The following PCDH9 variants were observed in gnomAD, a reference collection of about 807,000 sequenced individuals.
PCDH9 encodes protocadherin-9.
Under a neutral mutation model 70.6 loss-of-function variants are expected in PCDH9, and 24 were observed. That is an observed-to-expected ratio of 0.34 (90% CI 0.25 to 0.48). The LOEUF (loss-of-function observed/expected upper bound fraction) is 0.48. Ranked by LOEUF, PCDH9 falls within the 20% of genes least tolerant of loss-of-function variation. The probability of loss-of-function intolerance (pLI) is 0.99; values close to 1 mark genes in which losing one functional copy is unlikely to be tolerated. For synonymous variants in PCDH9, 562 were observed against 558.5 expected (o/e 1.01, Z -0.09); for missense variants, 1,281 against 1,503.6 (o/e 0.85, Z 2.45).
chr13:66,667,404 T>C (rs2078110540), intron 3 of PCDH9, among the ~76,000 whole-genome samples: 1 of 152,186 alleles, frequency 6.6e-6, no homozygotes, highest in Non-Finnish European at 1.5e-5. Context: ...AGAATGGATG[T>C]TTACACAATC....
intron 4 of PCDH9, among the ~76,000 whole-genome samples, chr13:66,421,327 C>T (rs1380705648): frequency 1.3e-5 from 2 of 152,104 alleles, no homozygotes; most frequent in Non-Finnish European, 2.9e-5. Context: ...ATACAGAGAA[C>T]ATCACAAAGA....
intron 2 of PCDH9, among the ~76,000 whole-genome samples, chr13:66,911,844 C>T (rs1470748765): frequency 6.6e-6 from 1 of 152,126 alleles, no homozygotes; most frequent in Non-Finnish European, 1.5e-5. Context: ...TTCCCAGACC[C>T]TTGAAAAGAA....
intron 3 of PCDH9, among the ~76,000 whole-genome samples, chr13:66,691,451 T>C (rs1186895257): frequency 6.6e-6 from 1 of 152,210 alleles, no homozygotes; most frequent in East Asian, 1.9e-4. Flanking sequence ...ATAAACAACA[T>C]CTAGTCCAAT....
At position 67,008,150 on chromosome 13, in the gene PCDH9, C is replaced by A. The variant is rs545237698; in HGVS notation, c.3037-104545G>T. Among the ~76,000 whole-genome samples the A allele has an allele frequency of 3.5e-3, 539 of 152,058 alleles. 5 individuals carry two copies. Among genetic ancestry groups the A allele is most frequent in the African/African-American group, 0.012 (518 of 41,498 alleles). On this transcript the variant is annotated intron_variant, in intron 2 of 4. Coordinates refer to ENST00000377865, the MANE Select transcript of PCDH9 (RefSeq NM_203487.3). ...TAAGAAAAAACATAATAATATGGAA[C>A]AAAATAATGAAAAGTTCTCAACAAA...
intron 3 of PCDH9, among the ~76,000 whole-genome samples, chr13:66,658,429 A>G (rs935208652): frequency 2.6e-5 from 4 of 152,154 alleles, no homozygotes; most frequent in Admixed American, 1.3e-4. Context: ...GGTAATATTT[A>G]GTCATGATCA....
chr13:67,020,625 G>T (rs1470872403), intron 2 of PCDH9, among the ~76,000 whole-genome samples: 1 of 152,110 alleles, frequency 6.6e-6, no homozygotes, highest in East Asian at 1.9e-4. Flanking sequence ...CATATAGCTG[G>T]CATTGTTACT....
At chr13:66,378,181 T>C (rs1052860541) in intron 4 of PCDH9, among the ~76,000 whole-genome samples, 1 of 152,214 alleles carries the variant, frequency 6.6e-6, no homozygotes, top group Admixed American at 6.5e-5. Flanking sequence ...GCAATCTGTG[T>C]GTTCAAATGA....
intron 3 of PCDH9, among the ~76,000 whole-genome samples, chr13:66,844,301 A>C (rs529063867): frequency 2.0e-5 from 3 of 152,204 alleles, no homozygotes; most frequent in Non-Finnish European, 4.4e-5. Context: ...AAGTCCCTAA[A>C]ATTGGCCAGG....
At chr13:66,455,047 C>A (rs764876229) in intron 4 of PCDH9, among the ~76,000 whole-genome samples, 8 of 152,030 alleles carry the variant, frequency 5.3e-5, no homozygotes, top group Non-Finnish European at 1.0e-4. Flanking sequence ...AGATGTTTGC[C>A]AGTTTTCCTT....
intron 3 of PCDH9, among the ~76,000 whole-genome samples, chr13:66,818,281 C>T (rs1012326053): frequency 6.6e-6 from 1 of 152,086 alleles, no homozygotes. Flanking sequence ...ATAAGAAGGA[C>T]TAAAAATTCC....
chr13:66,660,162 A>G (rs2077989484), intron 3 of PCDH9, among the ~76,000 whole-genome samples: 2 of 152,218 alleles, frequency 1.3e-5, no homozygotes, highest in Admixed American at 1.3e-4. Flanking sequence ...AGGAAAAGGT[A>G]TCTTCCAGCC....
chr13:66,751,365 T>C, intron 3 of PCDH9, among the ~76,000 whole-genome samples: 1 of 152,280 alleles, frequency 6.6e-6, no homozygotes, highest in Middle Eastern at 3.4e-3. Flanking sequence ...ATCTAAGTTT[T>C]TTAATGTCAA....
intron 4 of PCDH9, among the ~76,000 whole-genome samples, chr13:66,541,372 C>G (rs975266741): frequency 6.6e-6 from 1 of 152,154 alleles, no homozygotes; most frequent in African/African-American, 2.4e-5. Context: ...AACTACCACA[C>G]ACAAGGTGGC....
At chr13:66,557,938 G>A (rs916595362) in intron 4 of PCDH9, among the ~76,000 whole-genome samples, 1 of 152,158 alleles carries the variant, frequency 6.6e-6, no homozygotes, top group African/African-American at 2.4e-5. Context: ...GATCGCTTCA[G>A]GCCAGGAGTT....
intron 2 of PCDH9, among the ~76,000 whole-genome samples, chr13:67,160,948 C>T (rs371029833): frequency 6.6e-6 from 1 of 152,164 alleles, no homozygotes; most frequent in East Asian, 1.9e-4. Context: ...TTCTGAAATG[C>T]AAGTAGCATG....
At chr13:66,337,956 G>T (rs1000411718) in intron 4 of PCDH9, among the ~76,000 whole-genome samples, 4 of 152,018 alleles carry the variant, frequency 2.6e-5, no homozygotes, top group African/African-American at 9.7e-5. Context: ...GTGGATAAAG[G>T]GAATGCCCAC....
At chr13:66,798,634 C>T (rs1026974901) in intron 3 of PCDH9, among the ~76,000 whole-genome samples, 3 of 152,124 alleles carry the variant, frequency 2.0e-5, no homozygotes, top group African/African-American at 7.2e-5. Flanking sequence ...AGGGCTGCTT[C>T]GTTCAATTTG....
intron 4 of PCDH9, among the ~76,000 whole-genome samples, chr13:66,337,941 T>G (rs1471931937): frequency 6.6e-6 from 1 of 151,986 alleles, no homozygotes; most frequent in Non-Finnish European, 1.5e-5. Context: ...TACACTACAA[T>G]GAGGGTGGAT....
At chr13:67,106,112 G>A (rs924120328) in intron 2 of PCDH9, among the ~76,000 whole-genome samples, 1 of 151,966 alleles carries the variant, frequency 6.6e-6, no homozygotes, top group Non-Finnish European at 1.5e-5. Flanking sequence ...AGAATTAAGG[G>A]ACATTAAGTA....
Sources: gnomAD v4.1 joint callset for allele counts (sites outside exome capture counted in the v4.1 genomes callset) on GRCh38, gnomAD v4.1.1 for gene constraint, MANE v1.5 for transcripts, NCBI Gene and HGNC (gene_info 2026-07-23, HGNC 2026-07-21) for gene names.